Variants in DNAAF9 observed in about 807,000 individuals in gnomAD.
DNAAF9 encodes shulin.
Under a neutral mutation model 167.0 loss-of-function variants are expected in DNAAF9, and 90 were observed. The ratio of observed to expected loss-of-function variants is 0.54; its 90% CI spans 0.45 to 0.64. The LOEUF (loss-of-function observed/expected upper bound fraction) is 0.64. Among genes scored for constraint, DNAAF9 ranks in the 30% least tolerant of loss-of-function variants. The probability of loss-of-function intolerance (pLI) is 0.00; values close to 1 mark genes in which losing one functional copy is unlikely to be tolerated. For missense variants in DNAAF9, 1,315 were observed against 1,442.2 expected (o/e 0.91, Z 1.43); for synonymous variants, 491 against 508.8 (o/e 0.96, Z 0.47).
At chr20:3,352,650 T>G (rs1392477488) in intron 7 of DNAAF9, among the ~76,000 whole-genome samples, 1 of 152,152 alleles carries the variant, frequency 6.6e-6, no homozygotes, top group Non-Finnish European at 1.5e-5. Flanking sequence ...CTGGGATGAC[T>G]ACTATCTACC....
At chr20:3,405,959 G>A (rs1272741314) in intron 1 of DNAAF9, among the ~76,000 whole-genome samples, 1 of 152,152 alleles carries the variant, frequency 6.6e-6, no homozygotes, top group East Asian at 1.9e-4. Context: ...TTGGAGATGC[G>A]TTACTATAAG....
chr20:3,369,415 C>T (rs1337702904), intron 6 of DNAAF9, among the ~76,000 whole-genome samples: 7 of 149,972 alleles, frequency 4.7e-5, no homozygotes, highest in African/African-American at 7.4e-5. Context: ...CTCGCTCTTT[C>T]GCCCAGGCTG....
chr20:3,254,072 CTT>C (rs1491201777), intron 35 of DNAAF9, among the ~76,000 whole-genome samples: 2 of 152,016 alleles, frequency 1.3e-5, no homozygotes, highest in Non-Finnish European at 2.9e-5. Context: ...CAAACACACT[CTT>C]TTATTTATTT....
At chr20:3,254,879 C>G (rs2281495) in intron 35 of DNAAF9, among the ~76,000 whole-genome samples, 38,957 of 152,114 alleles carry the variant, frequency 0.26, 5,246 homozygotes, top group East Asian at 0.37. Flanking sequence ...TGGATCCAGA[C>G]AGTTTTTGCC....
In DNAAF9 at chr20:3,348,014, G is replaced by A. The variant is rs146838873; in HGVS notation, c.789+511C>T. Among the ~76,000 whole-genome samples the A allele has an allele frequency of 2.6e-3, 399 of 152,292 alleles. 4 individuals are homozygous for A. The highest frequency in any genetic ancestry group is 0.017 in the East Asian group (90 of 5,176). ...AGCCACAGGGGAGCACAGCAGAGTT[G>A]AGGGCTGCAGTGAGTGCCCAAGAAG... On this transcript the variant is annotated intron_variant, in intron 8 of 36. Transcript: ENST00000252032.
intron 21 of DNAAF9, 58 bp from the exon 22 acceptor site, chr20:3,298,233 A>C: frequency 2.9e-6 from 4 of 1,394,870 alleles, no homozygotes; most frequent in Non-Finnish European, 4.0e-6. Flanking sequence ...TACAGCACTC[A>C]CAACTACTGC....
chr20:3,363,586 C>T (rs2083393296), intron 6 of DNAAF9, among the ~76,000 whole-genome samples: 2 of 147,836 alleles, frequency 1.4e-5, no homozygotes, highest in Non-Finnish European at 3.0e-5. Context: ...GGCATGGTGG[C>T]TCACATCTGT....
intron 20 of DNAAF9, among the ~76,000 whole-genome samples, chr20:3,311,798 T>C (rs1229177086): frequency 6.6e-6 from 1 of 152,088 alleles, no homozygotes; most frequent in African/African-American, 2.4e-5. Context: ...TCCTGAGGAT[T>C]AGGTACTGGG....
At position 3,389,851 on chromosome 20, in the gene DNAAF9, C is replaced by T. The variant is rs185899042; in HGVS notation, c.84-7345G>A. Among the ~76,000 whole-genome samples, 329 of 152,148 alleles carry T rather than the reference C, an allele frequency of 2.2e-3. 1 individual carries two copies. The highest frequency in any genetic ancestry group is 7.2e-3 in the African/African-American group (299 of 41,536). ...AGGAGTTCGTAACCAGCCTGGCCAA[C>T]GTGGCAAAACCCTGTCTCTACTGAA... On this transcript the variant is annotated intron_variant, in intron 1 of 36. Coordinates refer to ENST00000252032, the MANE Select transcript of DNAAF9 (RefSeq NM_001009984.3).
rs1191617076 is a variant in DNAAF9, at chr20:3,407,578, G to A, written c.-21C>T. On this transcript the variant is annotated 5_prime_UTR_variant, in exon 1 of 37. Transcript: ENST00000252032. ...TCCATGGCGGCGGACGACTGGCGGC[G>A]GAGGAGGACGGTGCAGCTGCGAGGG... The A allele has an allele frequency of 6.5e-6, 8 of 1,230,958 alleles. No homozygotes were observed. Among genetic ancestry groups the A allele is most frequent in the Non-Finnish European group, 8.1e-6 (8 of 987,298 alleles). 76.3% of individuals were successfully genotyped at this position (1,230,958 alleles called of 1,614,324 possible).
intron 10 of DNAAF9, among the ~76,000 whole-genome samples, chr20:3,338,005 T>A (rs1267977189): frequency 7.1e-6 from 1 of 141,336 alleles, no homozygotes; most frequent in African/African-American, 2.6e-5. Context: ...ACATATATAA[T>A]ACATATTATA....
intron 6 of DNAAF9, among the ~76,000 whole-genome samples, chr20:3,369,179 G>C (rs910401060): frequency 6.6e-6 from 1 of 150,706 alleles, no homozygotes; most frequent in Non-Finnish European, 1.5e-5. Flanking sequence ...GAAATGTCAC[G>C]GACAGATTTA....
chr20:3,275,669 T>C (rs1348636090), intron 29 of DNAAF9, among the ~76,000 whole-genome samples: 3 of 152,228 alleles, frequency 2.0e-5, no homozygotes, highest in African/African-American at 7.2e-5. Context: ...GTACAGCAGT[T>C]ATCTGGAGCA....
intron 6 of DNAAF9, among the ~76,000 whole-genome samples, chr20:3,364,825 G>C (rs77879762): frequency 7.3e-4 from 111 of 152,258 alleles, no homozygotes; most frequent in Non-Finnish European, 7.5e-4. Context: ...CCTGCTGACT[G>C]ATCAGGGTGT....
chr20:3,395,177 T>C (rs1407231404), intron 1 of DNAAF9, among the ~76,000 whole-genome samples: 1 of 147,746 alleles, frequency 6.8e-6, no homozygotes, highest in African/African-American at 2.6e-5. Context: ...TTCACCGTGT[T>C]AGCCAGGATG....
intron 31 of DNAAF9, among the ~76,000 whole-genome samples, chr20:3,260,969 C>T (rs190077125): frequency 7.2e-5 from 11 of 152,256 alleles, no homozygotes; most frequent in Admixed American, 5.2e-4. Context: ...CTATGCCCCG[C>T]CATTTTGTTG....
rs1050575864 is a variant in DNAAF9 at position 3,298,254 on chromosome 20, A to G, written c.1783-79T>C. 5 of 1,153,114 alleles carry G rather than the reference A, an allele frequency of 4.3e-6. No individual in the cohort carries two copies. The African/African-American group carries it at 6.1e-5, about 14-fold the overall frequency. The allele number at this position is 1,153,114 out of a possible 1,614,324, so 71.4% of individuals were successfully genotyped here. A position where few individuals can be genotyped will look rare whatever the true frequency, so the allele number is the denominator to read the frequency against. On this transcript the variant is annotated intron_variant, in intron 21 of 36. Coordinates refer to ENST00000252032, the MANE Select transcript of DNAAF9 (RefSeq NM_001009984.3). ...ACTCACAACTACTGCCAGAACACAC[A>G]GGATCAATTTCAGTACAATTATTGT...
In DNAAF9 at chr20:3,298,288, G is replaced by A. The variant is rs535102336; in HGVS notation, c.1783-113C>T. ...TTCAGTACAATTATTGTCACATTACGTAGTTCACTGTGGTTCAGTATAGAT... is the reference window on the plus strand; with the variant it reads ...TTCAGTACAATTATTGTCACATTACATAGTTCACTGTGGTTCAGTATAGAT... On this transcript the variant is annotated intron_variant, in intron 21 of 36. Coordinates refer to ENST00000252032, the MANE Select transcript of DNAAF9 (RefSeq NM_001009984.3). 497 of 850,930 alleles carry A rather than the reference G, an allele frequency of 5.8e-4. 3 individuals are homozygous for A. In the African/African-American group the frequency reaches 7.5e-3, roughly 13 times the overall value. 52.7% of individuals were successfully genotyped at this position (850,930 alleles called of 1,614,324 possible). A position where few individuals can be genotyped will look rare whatever the true frequency, so the allele number is the denominator to read the frequency against.
At chr20:3,350,463 C>T (rs765083597) in intron 7 of DNAAF9, among the ~76,000 whole-genome samples, 18 of 151,874 alleles carry the variant, frequency 1.2e-4, no homozygotes, top group Non-Finnish European at 1.8e-4. Context: ...CATACATACA[C>T]ATATTAGGAG....
Sources: allele counts gnomAD v4.1 joint callset (sites outside exome capture counted in the v4.1 genomes callset), GRCh38; gene constraint gnomAD v4.1.1; transcripts MANE v1.5; gene names NCBI Gene and HGNC (gene_info 2026-07-23, HGNC 2026-07-21).